MRNIP: variants seen among roughly 807,000 people sequenced by gnomAD.
MRNIP encodes MRN complex-interacting protein.
In MRNIP, 30 loss-of-function variants were observed where a neutral mutation model predicts 29.8. That is an observed-to-expected ratio of 1.01 (90% confidence interval 0.75 to 1.36). The LOEUF (loss-of-function observed/expected upper bound fraction) is 1.36, where lower values mean the gene tolerates loss of function less well. MRNIP is among the 40% of genes most tolerant of loss of function. The pLI is 0.00. For missense variants in MRNIP, 459 were observed against 423.5 expected (o/e 1.08, Z -0.74); for synonymous variants, 201 against 164.1 (o/e 1.23, Z -1.72).
chr5:179,844,790 T>A (rs1277540403), intron 3 of MRNIP, among the ~76,000 whole-genome samples: 2 of 152,212 alleles, frequency 1.3e-5, no homozygotes, highest in Non-Finnish European at 2.9e-5. Context: ...ACAATTTAAT[T>A]TTGTATGTTG....
intron 6 of MRNIP, chr5:179,840,180 T>G (rs1253530525): frequency 6.6e-6 from 1 of 152,258 alleles, no homozygotes; most frequent in Non-Finnish European, 1.5e-5. Context: ...CCTCAAGTGA[T>G]CCACCCACCT....
Position 179,840,957 on chromosome 5 carries a change from T to C in MRNIP, c.452A>G (p.Lys151Arg). 1.9e-6 allele frequency: 3 copies of C among 1,601,030 alleles called. No individual in the cohort carries two copies. Among genetic ancestry groups the C allele is most frequent in the Admixed American group, 1.7e-5 (1 of 59,084 alleles). Residue 151 changes from lysine (K) to arginine (R), a missense_variant and splice_region_variant, in exon 6 of 7, where the codon AAG becomes AGG. Lys to Arg is a conservative substitution (Grantham distance 26). Transcript: ENST00000292586. Reference sequence around the variant, plus strand: ...AGGCTGGACGGTGCTCCTGCTCCACTTCCTGTCAGGACAGGACCGTCAGTA... The same window carrying C: ...AGGCTGGACGGTGCTCCTGCTCCACCTCCTGTCAGGACAGGACCGTCAGTA... The part of the protein sequence containing the change: ...RFSQDLPRKR[K>R]WSRSTVQPPC...
chr5:179,838,609 G>C (rs1208112235), intron 6 of MRNIP: 1 of 152,656 alleles, frequency 6.6e-6, no homozygotes, highest in Middle Eastern at 3.1e-3. Context: ...CTGGGAGGCA[G>C]AGGTTGCAGT....
chr5:179,847,608 GC>G (rs1161262294), intron 3 of MRNIP: 1 of 179,194 alleles, frequency 5.6e-6, no homozygotes, highest in East Asian at 1.6e-4. Flanking sequence ...ACTGACCCAG[GC>G]CCAGTGGGGT....
intron 3 of MRNIP, among the ~76,000 whole-genome samples, chr5:179,844,722 G>C (rs1582045140): frequency 6.6e-6 from 1 of 152,260 alleles, no homozygotes; most frequent in East Asian, 1.9e-4. Flanking sequence ...TACGCATCCA[G>C]CTGGTATTTG....
rs745599933 is a variant in MRNIP at position 179,837,505 on chromosome 5, G to A, written c.918C>T (p.Asp306=). The change falls in exon 7 of 7, where the codon GAC becomes GAT. Residue 306 remains aspartate (D), a synonymous_variant. Transcript: ENST00000292586. ...CACCCTCTGCCCAGGGAGTCCTTGC[G>A]TCCCATGAGGTCTTCCCGCAAGGCC... is the stretch of plus-strand genomic sequence containing the variant. ...SERPCGKTSW[D]ARTPWAEGGP... is the part of the protein sequence containing the mutation. 45 of 1,614,188 alleles carry A rather than the reference G, an allele frequency of 2.8e-5. 1 individual carries two copies. Among genetic ancestry groups the A allele is most frequent in the Admixed American group, 3.3e-5 (2 of 60,032 alleles).
Position 179,858,748 on chromosome 5 carries a change from G to C in MRNIP, c.49C>G (p.Leu17Val). 3 of 1,532,182 alleles carry C rather than the reference G, an allele frequency of 2.0e-6. No homozygotes were observed. Among genetic ancestry groups the C allele is most frequent in the Non-Finnish European group, 2.6e-6 (3 of 1,139,352 alleles). The allele number at this position is 1,532,182 out of a possible 1,614,324, so 94.9% of individuals were successfully genotyped here. ...CGCCAGACCTGGTGCGCCTGGAAGA[G>C]GCGGCAGCTGCAGCAGCGTAGCACC... Reference protein sequence around the residue: ...SRVLRCCSCRLFQAHQVKKSV... With the variant: ...SRVLRCCSCRVFQAHQVKKSV... Residue 17 changes from leucine (L) to valine (V), a missense_variant, in exon 1 of 7, where the codon CTC (leucine) becomes GTC (valine). Physicochemically the swap from Leu to Val is conservative, Grantham distance 32. Coordinates refer to ENST00000292586, the MANE Select transcript of MRNIP (RefSeq NM_016175.4).
chr5:179,844,140 C>T lies in MRNIP; in HGVS notation c.291+12G>A. ...ACAGAGCCAGCCTGGGGCAGGTGGGCCTGAGGCTTACCTGCTGCTTCACAT... is the reference window on the plus strand; with the variant it reads ...ACAGAGCCAGCCTGGGGCAGGTGGGTCTGAGGCTTACCTGCTGCTTCACAT... On this transcript the variant is annotated intron_variant, in intron 4 of 6. Transcript: ENST00000292586. 6.2e-7 allele frequency: 1 copy of T among 1,613,200 alleles called. No individual in the cohort carries two copies. The highest frequency in any genetic ancestry group is 8.5e-7 in the Non-Finnish European group (1 of 1,179,274).
intron 3 of MRNIP, among the ~76,000 whole-genome samples, chr5:179,845,364 G>C (rs762892034): frequency 1.3e-5 from 2 of 152,078 alleles, no homozygotes; most frequent in Non-Finnish European, 2.9e-5. Flanking sequence ...GGCCAGGCTG[G>C]TCATGAACTC....
chr5:179,858,576 G>C (rs1475176914), intron 1 of MRNIP, among the ~76,000 whole-genome samples, 155 bp downstream of exon 1: 3 of 152,204 alleles, frequency 2.0e-5, no homozygotes, highest in African/African-American at 7.2e-5. Context: ...AACGTTATGC[G>C]GGGGCGACCC....
Position 179,842,051 on chromosome 5 carries a change from G to A in MRNIP, c.305C>T (p.Pro102Leu). 1 of 1,612,846 alleles carries A rather than the reference G, an allele frequency of 6.2e-7. No homozygotes were observed. The highest frequency in any genetic ancestry group is 8.5e-7 in the Non-Finnish European group (1 of 1,179,726). The change falls in exon 5 of 7, where the codon CCC (proline) becomes CTC (leucine). Residue 102 changes from proline (P) to leucine (L), a missense_variant. Transcript: ENST00000292586. ...ATACTTCAGCCAGCGACTCTCTGAG[G>A]GCTGCGATTTTTCCTGCCAGATTGA... The part of the protein sequence containing the change: ...GNVKQQEKSQ[P>L]SESRWLKYLE...
In MRNIP at chr5:179,837,635, T is replaced by G; in HGVS notation, c.788A>C (p.Lys263Thr). The G allele has an allele frequency of 6.2e-7, 1 of 1,614,226 alleles. No individual in the cohort carries two copies. Among genetic ancestry groups the G allele is most frequent in the Non-Finnish European group, 8.5e-7 (1 of 1,180,040 alleles). Reference protein sequence around the residue: ...DPRPAGPAQAKQGTPRAQASR... With the variant: ...DPRPAGPAQATQGTPRAQASR... ...GGCCTGTGCTCTGGGGGTCCCTTGC[T>G]TAGCCTGTGCTGGACCAGCTGGCCT... Residue 263 changes from lysine to threonine, a missense_variant, in exon 7 of 7, where the codon AAG becomes ACG. Transcript: ENST00000292586.
intron 3 of MRNIP, chr5:179,844,437 CA>C (rs1235476239): frequency 4.2e-6 from 2 of 481,096 alleles, no homozygotes; most frequent in Non-Finnish European, 7.5e-6. Flanking sequence ...ACCCGGAAGG[CA>C]GAGGCTGCAG....
intron 4 of MRNIP, among the ~76,000 whole-genome samples, chr5:179,843,427 T>A (rs1308974909): frequency 6.6e-6 from 1 of 152,116 alleles, no homozygotes; most frequent in Admixed American, 6.6e-5. Flanking sequence ...CAGAAGAGCA[T>A]CTTCCTCTGC....
At chr5:179,843,272 A>G (rs1189193142) in intron 4 of MRNIP, among the ~76,000 whole-genome samples, 1 of 152,022 alleles carries the variant, frequency 6.6e-6, no homozygotes, top group Non-Finnish European at 1.5e-5. Context: ...AAATTAATAA[A>G]TAAGAAATGA....
intron 4 of MRNIP, among the ~76,000 whole-genome samples, chr5:179,843,446 A>G (rs1370504807): frequency 6.6e-6 from 1 of 152,194 alleles, no homozygotes; most frequent in Non-Finnish European, 1.5e-5. Flanking sequence ...GCTTATAACA[A>G]AGTGTGAGTC....
chr5:179,839,765 C>CT (rs1389290923), intron 6 of MRNIP: 1 of 152,408 alleles, frequency 6.6e-6, no homozygotes, highest in East Asian at 1.9e-4. Context: ...CCTGGCTCCT[C>CT]TGACAGGCAG....
At chr5:179,852,901 C>T (rs1759428436) in intron 2 of MRNIP, among the ~76,000 whole-genome samples, 1 of 152,238 alleles carries the variant, frequency 6.6e-6, no homozygotes, top group Admixed American at 6.5e-5. Context: ...TGCCTGCCTC[C>T]ACTTCCTGAG....
In MRNIP at chr5:179,841,640, C is replaced by T; in HGVS notation, c.449+267G>A. 6.0e-6 allele frequency: 3 copies of T among 495,946 alleles called. No individual in the cohort carries two copies. In the South Asian group the frequency reaches 7.7e-5, roughly 13 times the overall value. 30.7% of individuals were successfully genotyped at this position (495,946 alleles called of 1,614,324 possible). On this transcript the variant is annotated intron_variant, in intron 5 of 6. Coordinates refer to ENST00000292586, the MANE Select transcript of MRNIP (RefSeq NM_016175.4). ...TCCGACCTCTCCCCTGGGGTCAGTACAGTCTGAGATGTTCAGAATTAAGTG... is the reference window on the plus strand; with the variant it reads ...TCCGACCTCTCCCCTGGGGTCAGTATAGTCTGAGATGTTCAGAATTAAGTG...
Sources: gnomAD v4.1 joint callset for allele counts (sites outside exome capture counted in the v4.1 genomes callset) on GRCh38, gnomAD v4.1.1 for gene constraint, MANE v1.5 for transcripts, NCBI Gene and HGNC (gene_info 2026-07-23, HGNC 2026-07-21) for gene names.